Variants in CCDC170 observed in about 807,000 individuals in gnomAD.
CCDC170 encodes the protein coiled-coil domain-containing protein 170.
CCDC170 carries 69 observed loss-of-function variants against 72.6 expected under a neutral mutation model. The observed-to-expected ratio is 0.95, with a 90% CI of 0.78 to 1.16. The LOEUF (loss-of-function observed/expected upper bound fraction) is 1.16, where lower values mean the gene tolerates loss of function less well. CCDC170 is among the 50% of genes most tolerant of loss of function. The probability of loss-of-function intolerance (pLI) is 0.00; values close to 1 mark genes in which losing one functional copy is unlikely to be tolerated. For missense variants in CCDC170, 852 were observed against 832.5 expected (o/e 1.02, Z -0.29); for synonymous variants, 300 against 303.9 (o/e 0.99, Z 0.13).
chr6:151,574,446 C>T (rs1166551657), intron 6 of CCDC170, among the ~76,000 whole-genome samples: 1 of 152,082 alleles, frequency 6.6e-6, no homozygotes, highest in Non-Finnish European at 1.5e-5. Flanking sequence ...AGCACAGGTT[C>T]CATGACCCCT....
intron 1 of CCDC170, among the ~76,000 whole-genome samples, chr6:151,513,933 A>G (rs955047626): frequency 5.3e-5 from 8 of 149,724 alleles, no homozygotes; most frequent in African/African-American, 7.4e-5. Context: ...AAAAAAAAAA[A>G]AAAAAAGAAA....
At chr6:151,498,818 G>A (rs1010435329) in intron 1 of CCDC170, among the ~76,000 whole-genome samples, 2 of 152,116 alleles carry the variant, frequency 1.3e-5, no homozygotes, top group African/African-American at 4.8e-5. Flanking sequence ...TGCTGTATAA[G>A]TGGAATCAGA....
intron 1 of CCDC170, 125 bp downstream of exon 1, chr6:151,494,310 T>C (rs1781878115): frequency 9.6e-7 from 1 of 1,047,092 alleles, no homozygotes; most frequent in African/African-American, 1.7e-5. Context: ...AGAGCAGCTC[T>C]GTGCCCGCGA....
intron 1 of CCDC170, among the ~76,000 whole-genome samples, chr6:151,526,491 A>T (rs1782412648): frequency 6.9e-6 from 1 of 145,528 alleles, no homozygotes; most frequent in Non-Finnish European, 1.5e-5. Flanking sequence ...TAGTACTGGG[A>T]TTACAGGCAT....
At chr6:151,583,597 A>G (rs1483207014) in intron 6 of CCDC170, among the ~76,000 whole-genome samples, 1 of 152,110 alleles carries the variant, frequency 6.6e-6, no homozygotes. Context: ...AGCTGGGACT[A>G]CAGGCATGAG....
chr6:151,547,788 T>C (rs2115058005), intron 4 of CCDC170, among the ~76,000 whole-genome samples: 1 of 152,308 alleles, frequency 6.6e-6, no homozygotes, highest in East Asian at 1.9e-4. Context: ...ATGCACAACA[T>C]AGTGAGCAAA....
At chr6:151,531,936 C>G (rs964452420) in intron 1 of CCDC170, among the ~76,000 whole-genome samples, 3 of 152,208 alleles carry the variant, frequency 2.0e-5, no homozygotes, top group Non-Finnish European at 4.4e-5. Flanking sequence ...ATCCCTCCCA[C>G]AACTTGTATG....
intron 1 of CCDC170, among the ~76,000 whole-genome samples, chr6:151,529,079 T>C (rs1421360530): frequency 6.6e-6 from 1 of 152,176 alleles, no homozygotes; most frequent in Non-Finnish European, 1.5e-5. Flanking sequence ...GTGATGGGGA[T>C]TCTGTAAAAT....
At chr6:151,532,743 A>G (rs1177633849) in intron 1 of CCDC170, among the ~76,000 whole-genome samples, 2 of 152,248 alleles carry the variant, frequency 1.3e-5, no homozygotes, top group African/African-American at 4.8e-5. Context: ...CCCAGTAACA[A>G]TATCGACAAA....
intron 9 of CCDC170, among the ~76,000 whole-genome samples, chr6:151,599,675 G>A (rs936079718): frequency 1.3e-5 from 2 of 152,064 alleles, no homozygotes; most frequent in East Asian, 3.9e-4. Context: ...TAGAGAGAGA[G>A]CAGAATGAGG....
intron 5 of CCDC170, among the ~76,000 whole-genome samples, chr6:151,556,983 A>G (rs1782989167): frequency 6.6e-6 from 1 of 152,078 alleles, no homozygotes; most frequent in Non-Finnish European, 1.5e-5. Flanking sequence ...AACATGTGAT[A>G]TTTGTCTTTC....
At chr6:151,599,700 A>T (rs1167736960) in intron 9 of CCDC170, among the ~76,000 whole-genome samples, 1 of 152,190 alleles carries the variant, frequency 6.6e-6, no homozygotes, top group Admixed American at 6.5e-5. Context: ...GGTCAACTAT[A>T]CCAAGTACAG....
chr6:151,536,773 C>CAAAAAAAAAAAAAAAAAAAAAA (rs55663799), intron 2 of CCDC170, among the ~76,000 whole-genome samples: 1 of 79,260 alleles, frequency 1.3e-5, no homozygotes, highest in Non-Finnish European at 2.2e-5. Flanking sequence ...GACTCCATCT[C>CAAAAAAAAAAAAAAAAAAAAAA]AAAAAAAAAA....
chr6:151,553,736 A>G (rs1478336644), intron 5 of CCDC170, among the ~76,000 whole-genome samples: 3 of 152,136 alleles, frequency 2.0e-5, no homozygotes, highest in Non-Finnish European at 4.4e-5. Flanking sequence ...AATTGTAAAA[A>G]AAAAAATTAT....
intron 9 of CCDC170, among the ~76,000 whole-genome samples, chr6:151,612,856 G>A (rs769722888): frequency 1.3e-4 from 19 of 151,710 alleles, no homozygotes; most frequent in Non-Finnish European, 2.5e-4. Flanking sequence ...ACCACAAAAC[G>A]AAAACACAAA....
intron 1 of CCDC170, among the ~76,000 whole-genome samples, chr6:151,520,258 C>A (rs1414052527): frequency 6.6e-6 from 1 of 152,188 alleles, no homozygotes; most frequent in African/African-American, 2.4e-5. Flanking sequence ...GAGGGAGAAA[C>A]AGGGGTTGCT....
chr6:151,504,970 T>A (rs770124137), intron 1 of CCDC170, among the ~76,000 whole-genome samples: 172 of 151,974 alleles, frequency 1.1e-3, no homozygotes, highest in Non-Finnish European at 1.9e-3. Context: ...GGAGAGACGC[T>A]CAGTAGAGAA....
chr6:151,560,082 A>C (rs79381718), intron 5 of CCDC170, among the ~76,000 whole-genome samples: 2,828 of 152,114 alleles, frequency 0.019, 99 homozygotes, highest in African/African-American at 0.064. Context: ...GCATTTAGCA[A>C]TATATTTTCA....
chr6:151,495,369 A>C (rs924138539), intron 1 of CCDC170, among the ~76,000 whole-genome samples: 1 of 152,020 alleles, frequency 6.6e-6, no homozygotes. Context: ...ACCATACATA[A>C]GTATGTGGTA....
Sources: allele counts gnomAD v4.1 joint callset (sites outside exome capture counted in the v4.1 genomes callset), GRCh38; gene constraint gnomAD v4.1.1; transcripts MANE v1.5; gene names NCBI Gene and HGNC (gene_info 2026-07-23, HGNC 2026-07-21).